The following MTSS2 variants were observed in gnomAD, a reference collection of about 807,000 sequenced individuals.
MTSS2 encodes MTSS I-BAR domain containing 2.
In MTSS2, 27 loss-of-function variants were observed where a neutral mutation model predicts 67.1. The ratio of observed to expected loss-of-function variants is 0.40; its 90% CI spans 0.30 to 0.55. The LOEUF is 0.55. Among genes scored for constraint, MTSS2 ranks in the 20% least tolerant of loss-of-function variants. The probability of loss-of-function intolerance (pLI) is 0.43; values close to 1 mark genes in which losing one functional copy is unlikely to be tolerated. For synonymous variants in MTSS2, 624 were observed against 468.6 expected, an observed-to-expected ratio of 1.33 and a Z score of -4.28; for missense variants, 1,171 against 1,067.8, an observed-to-expected ratio of 1.10 and a Z score of -1.35.
At chr16:70,668,978 T>C (rs2052823825) in intron 11 of MTSS2, among the ~76,000 whole-genome samples, 1 of 151,956 alleles carries the variant, frequency 6.6e-6, no homozygotes, top group Non-Finnish European at 1.5e-5. Context: ...TGGATATCCA[T>C]ATGAAAAAAA....
intron 7 of MTSS2, 47 bp from the exon 8 acceptor site, chr16:70,678,456 T>C (rs1403712008): frequency 6.3e-7 from 1 of 1,575,060 alleles, no homozygotes; most frequent in Non-Finnish European, 8.6e-7. Flanking sequence ...CCAGCCTGGC[T>C]TGCCACACCC....
chr16:70,666,566 C>T (rs2052722228), intron 11 of MTSS2, among the ~76,000 whole-genome samples: 4 of 152,214 alleles, frequency 2.6e-5, no homozygotes, highest in African/African-American at 9.6e-5. Flanking sequence ...GGGCAGCCCC[C>T]TTCCTCCAGC....
intron 1 of MTSS2, 78 bp downstream of exon 1, chr16:70,685,645 T>G (rs1194996533): frequency 1.1e-6 from 1 of 908,466 alleles, no homozygotes; most frequent in Non-Finnish European, 1.4e-6. Flanking sequence ...CACACGAGGC[T>G]CGGCCACCCG....
intron 1 of MTSS2, among the ~76,000 whole-genome samples, chr16:70,682,096 A>G (rs4985559): frequency 0.63 from 95,985 of 152,194 alleles, 30,214 homozygotes; most frequent in Non-Finnish European, 0.66. Context: ...GCCCTGCCAG[A>G]CTAGGAGAGC....
intron 11 of MTSS2, among the ~76,000 whole-genome samples, chr16:70,667,677 A>C (rs894977856): frequency 6.6e-6 from 1 of 152,214 alleles, no homozygotes; most frequent in Non-Finnish European, 1.5e-5. Context: ...GTTTGAGACC[A>C]GCCTGGCCAA....
At position 70,664,117 on chromosome 16, in the gene MTSS2, G is replaced by T. The variant is rs1269248502; in HGVS notation, c.1804C>A (p.Pro602Thr). 6.2e-7 allele frequency: 1 copy of T among 1,611,606 alleles called. No individual in the cohort carries two copies. Among genetic ancestry groups the T allele is most frequent in the Admixed American group, 1.7e-5 (1 of 59,984 alleles). ...GCCCGTGTGGGCCCCATGTAGCCGGGGGAGTCAGGCACCGTGGGCGTCTTC... is the reference window on the plus strand; with the variant it reads ...GCCCGTGTGGGCCCCATGTAGCCGGTGGAGTCAGGCACCGTGGGCGTCTTC... Reference protein sequence around the residue: ...PVKTPTVPDSPGYMGPTRAGS... With the variant: ...PVKTPTVPDSTGYMGPTRAGS... The change falls in exon 15 of 15, where the codon CCC becomes ACC. Residue 602 changes from proline (P) to threonine (T), a missense_variant. Physicochemically the swap from Pro to Thr is conservative, Grantham distance 38. This residue lies in a region of MTSS2 where 924 missense variants were observed against 756.0 expected (regional missense o/e 1.22). Coordinates refer to ENST00000338779, the MANE Select transcript of MTSS2 (RefSeq NM_138383.3).
At chr16:70,677,359 T>C (rs1363262313) in intron 9 of MTSS2, among the ~76,000 whole-genome samples, 3 of 152,060 alleles carry the variant, frequency 2.0e-5, no homozygotes, top group Non-Finnish European at 4.4e-5. Flanking sequence ...CTCTGGAGCG[T>C]GCTGCCCGCA....
In MTSS2 at chr16:70,664,277, G is replaced by A. The variant is rs1267574591; in HGVS notation, c.1644C>T (p.Pro548=). The A allele has an allele frequency of 7.1e-6, 11 of 1,558,370 alleles. No individual in the cohort carries two copies. The highest frequency in any genetic ancestry group is 1.2e-5 in the South Asian group (1 of 81,590). The change falls in exon 15 of 15, where the codon CCC becomes CCT. Residue 548 remains proline, a synonymous_variant. Transcript: ENST00000338779. Reference sequence around the variant, plus strand: ...CGCCCGAGGGCAGGCCAGTGGCCGTGGGCAGCCCCGCGGTGGGCAGCCCAG... The same window carrying A: ...CGCCCGAGGGCAGGCCAGTGGCCGTAGGCAGCCCCGCGGTGGGCAGCCCAG... ...STAGLPTAGL[P]TATGLPSGAP... is the part of the protein sequence containing the mutation.
intron 11 of MTSS2, among the ~76,000 whole-genome samples, chr16:70,668,571 C>A (rs2052807846): frequency 6.6e-6 from 1 of 152,150 alleles, no homozygotes; most frequent in Non-Finnish European, 1.5e-5. Context: ...CACTGCTGTG[C>A]ACTGAGGAAA....
Position 70,663,329 on chromosome 16 carries a change from G to A in MTSS2, c.*348C>T, listed in dbSNP as rs763288589. 8.0e-5 allele frequency: 24 copies of A among 299,354 alleles called. No individual in the cohort carries two copies. The highest frequency in any genetic ancestry group is 1.2e-4 in the Non-Finnish European group (20 of 161,946). The allele number at this position is 299,354 out of a possible 1,614,324, so 18.5% of individuals were successfully genotyped here. A position where few individuals can be genotyped will look rare whatever the true frequency, so the allele number is the denominator to read the frequency against. On this transcript the variant is annotated 3_prime_UTR_variant, in exon 15 of 15. Coordinates refer to ENST00000338779, the MANE Select transcript of MTSS2 (RefSeq NM_138383.3). The stretch of plus-strand genomic sequence containing the variant: ...CAGCCCTGGGAGAGGCCGGGATGGT[G>A]AAAGGGAGGCCAGCCTGGCCCCTCT...
At chr16:70,675,711 C>G (rs1044190621) in intron 10 of MTSS2, among the ~76,000 whole-genome samples, 1 of 152,186 alleles carries the variant, frequency 6.6e-6, no homozygotes, top group Non-Finnish European at 1.5e-5. Flanking sequence ...CGACTGCCCC[C>G]GGTGAGTCCA....
At chr16:70,664,801 C>T in intron 13 of MTSS2, 38 bp from the exon 14 acceptor site, 1 of 1,565,356 alleles carries the variant, frequency 6.4e-7, no homozygotes, top group Non-Finnish European at 8.7e-7. Flanking sequence ...CCTTGCGCCC[C>T]CAATCCCCTC....
chr16:70,675,020 CG>C (rs1283260208), intron 10 of MTSS2, among the ~76,000 whole-genome samples: 1 of 151,436 alleles, frequency 6.6e-6, no homozygotes, highest in East Asian at 1.9e-4. Context: ...GGCTGAGGCA[CG>C]AGAATCACTT....
chr16:70,674,606 G>T, intron 10 of MTSS2, 78 bp from the exon 11 acceptor site: 1 of 1,300,324 alleles, frequency 7.7e-7, no homozygotes, highest in Non-Finnish European at 1.1e-6. Context: ...GTTGACAAAC[G>T]AGGGTGGGGA....
At chr16:70,679,223 G>C in intron 7 of MTSS2, 92 bp downstream of exon 7, 1 of 1,490,998 alleles carries the variant, frequency 6.7e-7, no homozygotes, top group Admixed American at 1.7e-5. Flanking sequence ...CCTTGGCCTG[G>C]AGAGGTTCCT....
intron 11 of MTSS2, among the ~76,000 whole-genome samples, chr16:70,670,781 T>C (rs1046558895): frequency 3.3e-5 from 5 of 151,736 alleles, no homozygotes; most frequent in African/African-American, 9.7e-5. Context: ...CTAGGAAACA[T>C]AGTGAGACCC....
chr16:70,685,670 C>G, intron 1 of MTSS2, 53 bp downstream of exon 1: 1 of 1,122,936 alleles, frequency 8.9e-7, no homozygotes, highest in South Asian at 2.9e-5. Context: ...CACGCGTCCC[C>G]GGGGGGTCCC....
chr16:70,672,626 TAAAAAGTTAAA>T (rs2052978806), intron 11 of MTSS2, among the ~76,000 whole-genome samples: 1 of 56,264 alleles, frequency 1.8e-5, no homozygotes, highest in Non-Finnish European at 4.2e-5. Flanking sequence ...TATTTCAAAA[TAAAAAGTTAAA>T]AAAAAAACCC....
At position 70,663,060 on chromosome 16, in the gene MTSS2, A is replaced by AG. The variant is rs1473190821; in HGVS notation, c.*616dup. Reference sequence around the variant, plus strand: ...CAAGCAGCCCCTGGTTTCCTCCCTGAGACTTGGCGTGGGCCCTGGAACTCC... The same window carrying AG: ...CAAGCAGCCCCTGGTTTCCTCCCTGAGGACTTGGCGTGGGCCCTGGAACTCC... On this transcript the variant is annotated 3_prime_UTR_variant, in exon 15 of 15. Transcript: ENST00000338779. 2.8e-5 allele frequency: 4 copies of AG among 143,656 alleles called. No individual in the cohort carries two copies. The highest frequency in any genetic ancestry group is 6.2e-5 in the Non-Finnish European group (4 of 65,038). 8.9% of individuals were successfully genotyped at this position (143,656 alleles called of 1,614,324 possible). A position where few individuals can be genotyped will look rare whatever the true frequency, so the allele number is the denominator to read the frequency against.
Sources: gnomAD v4.1 joint callset for allele counts (sites outside exome capture counted in the v4.1 genomes callset) on GRCh38, gnomAD v4.1.1 for gene constraint, gnomAD v4.1.1 regional missense constraint, MANE v1.5 for transcripts, NCBI Gene and HGNC (gene_info 2026-07-23, HGNC 2026-07-21) for gene names.